Variants in CRTAC1 observed in about 807,000 individuals in gnomAD.
The protein encoded by CRTAC1 is acidic secreted protein in cartilage.
In CRTAC1, 37 loss-of-function variants were observed where a neutral mutation model predicts 67.8. That is an observed-to-expected ratio of 0.55 (90% CI 0.42 to 0.72). CRTAC1 has a LOEUF of 0.72. Among genes scored for constraint, CRTAC1 ranks in the 30% least tolerant of loss-of-function variants. The pLI is 0.00. For synonymous variants in CRTAC1, 348 were observed against 371.0 expected (o/e 0.94, Z 0.71); for missense variants, 780 against 931.6 (o/e 0.84, Z 2.12).
chr10:98,025,996 T>TG (rs1371771399), intron 1 of CRTAC1, among the ~76,000 whole-genome samples: 6 of 152,336 alleles, frequency 3.9e-5, no homozygotes, highest in Admixed American at 3.9e-4. Flanking sequence ...GCCCAGATAT[T>TG]GCTGTGAGCA....
intron 1 of CRTAC1, among the ~76,000 whole-genome samples, chr10:98,026,828 T>G (rs1202815635): frequency 1.3e-5 from 2 of 152,132 alleles, no homozygotes; most frequent in Non-Finnish European, 2.9e-5. Flanking sequence ...CTGCTGAGGC[T>G]CCAAGGAGAA....
chr10:97,880,135 C>T (rs1021753798), intron 14 of CRTAC1, 114 bp downstream of exon 14: 105 of 1,268,626 alleles, frequency 8.3e-5, no homozygotes, highest in Non-Finnish European at 1.1e-4. Context: ...AAAGGAGACT[C>T]TATCCAGCCA....
At chr10:97,984,473 G>A (rs941595300) in intron 2 of CRTAC1, among the ~76,000 whole-genome samples, 1 of 152,218 alleles carries the variant, frequency 6.6e-6, no homozygotes, top group African/African-American at 2.4e-5. Context: ...ATCCTGCAGA[G>A]CTGAATTTTA....
chr10:97,894,782 C>T (rs2050432076), intron 11 of CRTAC1, among the ~76,000 whole-genome samples: 1 of 114,552 alleles, frequency 8.7e-6, no homozygotes. Context: ...ATTTTGTCAT[C>T]CCCCTGCCCT....
chr10:98,005,173 C>T (rs502864), intron 2 of CRTAC1, among the ~76,000 whole-genome samples: 39,267 of 133,578 alleles, frequency 0.29, 5,768 homozygotes, highest in Middle Eastern at 0.33. Context: ...GGCATGATCT[C>T]GGCTCACTGC....
rs1442158199 is a variant in CRTAC1, at chr10:98,029,590, A to T, written c.24+859T>A. Among the ~76,000 whole-genome samples, 2 of 151,864 alleles carry T rather than the reference A, an allele frequency of 1.3e-5. No individual in the cohort carries two copies. Among genetic ancestry groups the T allele is most frequent in the Non-Finnish European group, 2.9e-5 (2 of 67,950 alleles). On this transcript the variant is annotated intron_variant, in intron 1 of 14. Coordinates refer to ENST00000370597, the MANE Select transcript of CRTAC1 (RefSeq NM_018058.7). The surrounding 1 kb of genome is among the most constrained non-coding windows in gnomAD (Gnocchi z 4.7). ...AGCCCCCCCAGCTCTCAACCCTAGG[A>T]GAATTTCCCCGCCACTCTGGGAGGC... is the stretch of plus-strand genomic sequence containing the variant.
chr10:97,973,640 C>G (rs1223333620), intron 2 of CRTAC1, among the ~76,000 whole-genome samples: 7 of 152,142 alleles, frequency 4.6e-5, no homozygotes, highest in Non-Finnish European at 8.8e-5. Flanking sequence ...GCTTCCCAGC[C>G]CTTATGTTCT....
chr10:97,980,026 A>G (rs114683842), intron 2 of CRTAC1, among the ~76,000 whole-genome samples: 1,901 of 152,280 alleles, frequency 0.012, 48 homozygotes, highest in African/African-American at 0.044. Context: ...CTTGGGACAC[A>G]CTGGTCCAAT....
rs1298232281 is a variant in CRTAC1, at chr10:98,029,966, C to T, written c.24+483G>A. ...ACTCGGCTTCCCAGGGGAGGAAGAG[C>T]CAGCCCGCGGGGCTCTTCCCCAGCC... On this transcript the variant is annotated intron_variant, in intron 1 of 14. Coordinates refer to ENST00000370597, the MANE Select transcript of CRTAC1 (RefSeq NM_018058.7). This position sits in a 1 kb window ranked among gnomAD's most constrained non-coding sequence, Gnocchi z 4.7. Among the ~76,000 whole-genome samples, 4 of 152,136 alleles carry T rather than the reference C, an allele frequency of 2.6e-5. No individual in the cohort carries two copies. The highest frequency in any genetic ancestry group is 5.9e-5 in the Non-Finnish European group (4 of 68,006).
At position 97,895,279 on chromosome 10, in the gene CRTAC1, C is replaced by T. The variant is rs371427281; in HGVS notation, c.1452G>A (p.Leu484=). ...LRIIDGGSGY[L]CEMEPVAHFG... ...AGTGTGCCACGGGCTCCATCTCACA[C>T]AGGTAGCCTGAGCCCCCGTCGATGA... The change falls in exon 11 of 15, where the codon CTG becomes CTA. Residue 484 remains leucine (L), a synonymous_variant. Coordinates refer to ENST00000370597, the MANE Select transcript of CRTAC1 (RefSeq NM_018058.7). The surrounding 1 kb of genome is among the most constrained non-coding windows in gnomAD (Gnocchi z 4.2). The T allele has an allele frequency of 1.2e-5, 20 of 1,612,998 alleles. No homozygotes were observed. In the African/African-American group the frequency reaches 2.5e-4, roughly 20 times the overall value.
At chr10:97,905,137 C>T (rs879551176) in intron 6 of CRTAC1, among the ~76,000 whole-genome samples, 6 of 152,146 alleles carry the variant, frequency 3.9e-5, no homozygotes, top group Admixed American at 6.5e-5. Flanking sequence ...AGGCTCTTCC[C>T]GGCCACCCCT....
At chr10:97,888,564 A>G (rs1432305484) in intron 11 of CRTAC1, among the ~76,000 whole-genome samples, 1 of 152,204 alleles carries the variant, frequency 6.6e-6, no homozygotes, top group African/African-American at 2.4e-5. Flanking sequence ...AGATACTGAC[A>G]TTGAGGCTTG....
intron 14 of CRTAC1, chr10:97,878,711 G>A: frequency 7.7e-7 from 1 of 1,303,836 alleles, no homozygotes. Flanking sequence ...AGTAACCTGA[G>A]ATGAGCCAGG....
chr10:97,925,615 AGAGT>A (rs896958537), intron 3 of CRTAC1, among the ~76,000 whole-genome samples: 7 of 131,774 alleles, frequency 5.3e-5, no homozygotes, highest in Admixed American at 7.8e-5. Flanking sequence ...GGGATGAGTG[AGAGT>A]GAGTGTGAGG....
At chr10:97,978,506 A>G (rs1482672838) in intron 2 of CRTAC1, among the ~76,000 whole-genome samples, 2 of 152,214 alleles carry the variant, frequency 1.3e-5, no homozygotes, top group South Asian at 4.1e-4. Flanking sequence ...TGCTGTGCAC[A>G]TATCAACCCT....
Position 97,865,540 on chromosome 10 carries a change from A to C in CRTAC1, c.*8T>G, listed in dbSNP as rs1452359314. On this transcript the variant is annotated 3_prime_UTR_variant, in exon 15 of 15. Transcript: ENST00000370597. ...GACTCCATCCGCTGGTTCATGTCCC[A>C]CCCCTGCTCAGCAGCTGGGCTCGCA... The C allele has an allele frequency of 5.0e-6, 8 of 1,601,424 alleles. No individual in the cohort carries two copies. The highest frequency in any genetic ancestry group is 6.0e-6 in the Non-Finnish European group (7 of 1,170,958).
At chr10:97,918,934 C>T (rs1363401197) in intron 4 of CRTAC1, among the ~76,000 whole-genome samples, 1 of 152,042 alleles carries the variant, frequency 6.6e-6, no homozygotes, top group Non-Finnish European at 1.5e-5. Context: ...CAGGCACGCA[C>T]CACCACTCCT....
rs191373926 is a variant in CRTAC1, at chr10:98,025,266, C to T, written c.24+5183G>A. Among the ~76,000 whole-genome samples, 62 of 152,276 alleles carry T rather than the reference C, an allele frequency of 4.1e-4. 1 individual carries two copies. The highest frequency in any genetic ancestry group is 1.5e-3 in the African/African-American group (61 of 41,558). On this transcript the variant is annotated intron_variant, in intron 1 of 14. Coordinates refer to ENST00000370597, the MANE Select transcript of CRTAC1 (RefSeq NM_018058.7). ...ACATTTTGGGCCAGATAATTCCTTG[C>T]TGTGAGACGTGTTCTGTGCACTGTA...
chr10:97,971,038 C>T (rs2051703085), intron 2 of CRTAC1, among the ~76,000 whole-genome samples: 1 of 152,212 alleles, frequency 6.6e-6, no homozygotes, highest in South Asian at 2.1e-4. Context: ...AAAACAATGA[C>T]ATGCTACATC....
Sources: allele counts gnomAD v4.1 joint callset (sites outside exome capture counted in the v4.1 genomes callset), GRCh38; gene constraint gnomAD v4.1.1; non-coding constraint Gnocchi (gnomAD v3.1); transcripts MANE v1.5; gene names NCBI Gene and HGNC (gene_info 2026-07-23, HGNC 2026-07-21).